MARCHF1: variants seen among roughly 807,000 people sequenced by gnomAD.
MARCHF1 encodes the protein membrane associated ring-CH-type finger 1, also known as E3 ubiquitin-protein ligase MARCHF1.
In MARCHF1, 40 loss-of-function variants were observed where a neutral mutation model predicts 54.2. The ratio of observed to expected loss-of-function variants is 0.74; its 90% confidence interval spans 0.57 to 0.96. MARCHF1 has a LOEUF of 0.96. Ranked by LOEUF, MARCHF1 falls within the 40% of genes least tolerant of loss-of-function variation. MARCHF1 has a pLI of 0.00. For missense variants in MARCHF1, 586 were observed against 656.5 expected, an observed-to-expected ratio of 0.89 and a Z score of 1.17; for synonymous variants, 236 against 236.3, an observed-to-expected ratio of 1.00 and a Z score of 0.01.
intron 3 of MARCHF1, among the ~76,000 whole-genome samples, chr4:163,937,382 T>C (rs1161810568): frequency 6.6e-6 from 1 of 152,080 alleles, no homozygotes; most frequent in East Asian, 1.9e-4. Flanking sequence ...TTCTTTATTT[T>C]ATTATCAATG....
chr4:163,738,392 C>A (rs953593631), intron 4 of MARCHF1, among the ~76,000 whole-genome samples: 1 of 150,008 alleles, frequency 6.7e-6, no homozygotes, highest in Non-Finnish European at 1.5e-5. Context: ...TATTAAATCC[C>A]AATACATATA....
intron 4 of MARCHF1, among the ~76,000 whole-genome samples, chr4:163,709,160 A>G (rs17044049): frequency 0.016 from 2,461 of 152,340 alleles, 72 homozygotes; most frequent in African/African-American, 0.056. Context: ...AATCTTGGCT[A>G]TTAACACTGC....
intron 3 of MARCHF1, among the ~76,000 whole-genome samples, chr4:163,899,374 T>G (rs1203940488): frequency 6.6e-6 from 1 of 152,170 alleles, no homozygotes; most frequent in East Asian, 1.9e-4. Context: ...CAGCACTATA[T>G]ATGATAGATT....
At chr4:163,926,499 C>A (rs767003233) in intron 3 of MARCHF1, among the ~76,000 whole-genome samples, 2 of 151,574 alleles carry the variant, frequency 1.3e-5, no homozygotes, top group South Asian at 4.2e-4. Flanking sequence ...TGGGCCAATA[C>A]ATAGTAATGG....
rs114074893 is a variant in MARCHF1, at chr4:163,867,713, T to C, written c.-38-13544A>G. On this transcript the variant is annotated intron_variant, in intron 3 of 9. Coordinates refer to ENST00000514618, the MANE Select transcript of MARCHF1 (RefSeq NM_001394959.1). ...CAAATTCCAAGAATATTAATATAGG[T>C]ATTCACTGGTATCTAAGTTTAAAAT... 4.2e-3 allele frequency among the ~76,000 whole-genome samples: 641 copies of C among 151,824 alleles called. 6 individuals carry two copies. Among genetic ancestry groups the C allele is most frequent in the African/African-American group, 0.014 (583 of 41,466 alleles).
chr4:163,530,914 A>G (rs1013139332), intron 9 of MARCHF1, among the ~76,000 whole-genome samples: 1 of 151,934 alleles, frequency 6.6e-6, no homozygotes, highest in Non-Finnish European at 1.5e-5. Context: ...CAGGAGAAAT[A>G]AGAGATCATT....
In MARCHF1 at chr4:163,526,760, A is replaced by ATGAGT. The variant is rs1738120581; in HGVS notation, c.*1983_*1987dup. The ATGAGT allele has an allele frequency of 6.6e-6, 1 of 151,974 alleles. No homozygotes were observed. Among genetic ancestry groups the ATGAGT allele is most frequent in the African/African-American group, 2.4e-5 (1 of 41,398 alleles). 9.4% of individuals were successfully genotyped at this position (151,974 alleles called of 1,614,324 possible). A position where few individuals can be genotyped will look rare whatever the true frequency, so the allele number is the denominator to read the frequency against. ...GTGCTTATAACAAGTTTTAAGAAAG[A>ATGAGT]TGAGTTTTAAACCTTTTGTTTCCTG... On this transcript the variant is annotated 3_prime_UTR_variant, in exon 10 of 10. Coordinates refer to ENST00000514618, the MANE Select transcript of MARCHF1 (RefSeq NM_001394959.1).
At chr4:164,372,612 G>C (rs1034651240) in intron 1 of MARCHF1, among the ~76,000 whole-genome samples, 1 of 151,754 alleles carries the variant, frequency 6.6e-6, no homozygotes, top group African/African-American at 2.4e-5. Context: ...ATTTTATCCT[G>C]TGTTGTGTTT....
At chr4:164,105,425 C>T (rs1307141112) in intron 2 of MARCHF1, among the ~76,000 whole-genome samples, 1 of 150,260 alleles carries the variant, frequency 6.7e-6, no homozygotes, top group African/African-American at 2.5e-5. Flanking sequence ...AGATATAGAT[C>T]AATGGAACAG....
At chr4:164,263,139 C>T (rs942917784) in intron 1 of MARCHF1, among the ~76,000 whole-genome samples, 13 of 148,732 alleles carry the variant, frequency 8.7e-5, no homozygotes, top group African/African-American at 2.0e-4. Context: ...TGTACGCGTG[C>T]GTGTGTGTGT....
chr4:163,758,157 T>C (rs771970361), intron 4 of MARCHF1, among the ~76,000 whole-genome samples: 2 of 152,198 alleles, frequency 1.3e-5, no homozygotes, highest in Non-Finnish European at 2.9e-5. Context: ...AATATTTTCA[T>C]AGTCAGATTT....
intron 2 of MARCHF1, among the ~76,000 whole-genome samples, chr4:164,100,961 G>C (rs901620059): frequency 6.6e-6 from 1 of 152,222 alleles, no homozygotes; most frequent in East Asian, 1.9e-4. Flanking sequence ...AAGCGCAAGA[G>C]GTCAGGGATT....
At chr4:164,333,329 T>C (rs1003285727) in intron 1 of MARCHF1, among the ~76,000 whole-genome samples, 2 of 152,220 alleles carry the variant, frequency 1.3e-5, no homozygotes, top group Non-Finnish European at 2.9e-5. Flanking sequence ...AACTGTTTTT[T>C]ACAGATTAAA....
At chr4:163,650,767 G>A (rs1053142239) in intron 5 of MARCHF1, among the ~76,000 whole-genome samples, 2 of 151,888 alleles carry the variant, frequency 1.3e-5, no homozygotes, top group East Asian at 3.9e-4. Flanking sequence ...GTATTCGTTA[G>A]CCTTTGGTCA....
rs113078542 is a variant in MARCHF1 at position 164,058,162 on chromosome 4, C to T, written c.-248+53426G>A. ...GGGAGGGATAACATTAGGAGAAATA[C>T]CTAATGTAGGTGATGGGTTGACGGG... is the stretch of plus-strand genomic sequence containing the variant. On this transcript the variant is annotated intron_variant, in intron 2 of 9. Transcript: ENST00000514618. Among the ~76,000 whole-genome samples, 1,072 of 152,134 alleles carry T rather than the reference C, an allele frequency of 7.0e-3. 12 individuals carry two copies. Among genetic ancestry groups the T allele is most frequent in the East Asian group, 0.016 (82 of 5,164 alleles).
chr4:164,100,520 A>C (rs1023316786), intron 2 of MARCHF1, among the ~76,000 whole-genome samples: 1 of 152,258 alleles, frequency 6.6e-6, no homozygotes, highest in African/African-American at 2.4e-5. Context: ...CTAAATAAGA[A>C]TATGTGTTGC....
chr4:163,775,239 T>C (rs1176356190), intron 4 of MARCHF1, among the ~76,000 whole-genome samples: 1 of 152,190 alleles, frequency 6.6e-6, no homozygotes, highest in Non-Finnish European at 1.5e-5. Context: ...CATGCTTTGC[T>C]TGCTTACTTC....
intron 1 of MARCHF1, among the ~76,000 whole-genome samples, chr4:164,255,090 T>C (rs1733240884): frequency 6.6e-6 from 1 of 152,170 alleles, no homozygotes; most frequent in South Asian, 2.1e-4. Context: ...AAATGAGTCA[T>C]GCCAAAACTG....
At chr4:163,917,293 G>A (rs989068379) in intron 3 of MARCHF1, among the ~76,000 whole-genome samples, 9 of 152,142 alleles carry the variant, frequency 5.9e-5, no homozygotes, top group African/African-American at 2.2e-4. Flanking sequence ...TTATGGTGAA[G>A]TACATTTGGT....
Sources: allele counts gnomAD v4.1 joint callset (sites outside exome capture counted in the v4.1 genomes callset), GRCh38; gene constraint gnomAD v4.1.1; transcripts MANE v1.5; gene names NCBI Gene and HGNC (gene_info 2026-07-23, HGNC 2026-07-21).